Variants in DOCK1 observed in about 807,000 individuals in gnomAD.
DOCK1 encodes the protein dedicator of cytokinesis protein 1.
In DOCK1, 138 loss-of-function variants were observed where a neutral mutation model predicts 262.7. The ratio of observed to expected loss-of-function variants is 0.53; its 90% CI spans 0.46 to 0.61. The LOEUF is 0.61. Ranked by LOEUF, DOCK1 falls within the 20% of genes least tolerant of loss-of-function variation. The pLI, the probability that DOCK1 is intolerant of heterozygous loss-of-function variation, is 0.00. For missense variants in DOCK1, 1,908 were observed against 2,370.7 expected, an observed-to-expected ratio of 0.80 and a Z score of 4.05; for synonymous variants, 866 against 867.4, an observed-to-expected ratio of 1.00 and a Z score of 0.03.
intron 25 of DOCK1, among the ~76,000 whole-genome samples, chr10:127,114,173 G>A (rs1021551805): frequency 1.3e-5 from 2 of 152,126 alleles, no homozygotes; most frequent in East Asian, 1.9e-4. Context: ...TCCAAGCTGG[G>A]CCTTGTTCAT....
At chr10:127,395,016 T>C (rs1214219276) in intron 38 of DOCK1, among the ~76,000 whole-genome samples, 1 of 152,106 alleles carries the variant, frequency 6.6e-6, no homozygotes, top group African/African-American at 2.4e-5. Flanking sequence ...AAGAGTAAAA[T>C]TAAGTTTGCC....
intron 33 of DOCK1, among the ~76,000 whole-genome samples, chr10:127,372,304 G>T (rs1565035631): frequency 6.6e-6 from 1 of 152,106 alleles, no homozygotes; most frequent in African/African-American, 2.4e-5. Flanking sequence ...GCTTCTCAGG[G>T]GTCCACAGTC....
At chr10:126,949,694 G>A (rs1219308076) in intron 1 of DOCK1, among the ~76,000 whole-genome samples, 5 of 152,238 alleles carry the variant, frequency 3.3e-5, no homozygotes, top group African/African-American at 4.8e-5. Context: ...GATCTGGAGG[G>A]GAAAAGTATT....
At chr10:126,961,223 T>G (rs1379919503) in intron 1 of DOCK1, among the ~76,000 whole-genome samples, 1 of 152,198 alleles carries the variant, frequency 6.6e-6, no homozygotes, top group Admixed American at 6.5e-5. Flanking sequence ...GCCACAATCT[T>G]TCTGTTCCTA....
intron 27 of DOCK1, among the ~76,000 whole-genome samples, chr10:127,218,864 G>C (rs2058316912): frequency 6.6e-6 from 1 of 152,156 alleles, no homozygotes; most frequent in African/African-American, 2.4e-5. Context: ...TTGGTCGTCT[G>C]GTGAGGTCTG....
intron 1 of DOCK1, among the ~76,000 whole-genome samples, chr10:126,951,111 T>A (rs1256846870): frequency 1.3e-5 from 2 of 151,794 alleles, no homozygotes; most frequent in Admixed American, 6.6e-5. Flanking sequence ...GTGGTAGTGT[T>A]GTTGGTAGTA....
chr10:127,272,894 CAA>C (rs2060619371), intron 29 of DOCK1, among the ~76,000 whole-genome samples: 1 of 152,188 alleles, frequency 6.6e-6, no homozygotes, highest in South Asian at 2.1e-4. Flanking sequence ...CATTCACTAT[CAA>C]GAGGAACAGC....
chr10:126,944,239 A>G (rs1220266484), intron 1 of DOCK1, among the ~76,000 whole-genome samples: 2 of 147,238 alleles, frequency 1.4e-5, no homozygotes, highest in African/African-American at 5.1e-5. Context: ...GCCTGGATGC[A>G]GGGGCTGCTG....
chr10:127,262,110 A>T (rs1348691197), intron 29 of DOCK1, among the ~76,000 whole-genome samples: 1 of 85,242 alleles, frequency 1.2e-5, no homozygotes, highest in South Asian at 4.2e-4. Flanking sequence ...CTCTGTGTGC[A>T]TGTGGGTGTG....
At chr10:127,081,370 C>CT (rs11298794) in intron 23 of DOCK1, among the ~76,000 whole-genome samples, 2,910 of 140,848 alleles carry the variant, frequency 0.021, 42 homozygotes, top group African/African-American at 0.037. Flanking sequence ...GTATGTGGGG[C>CT]TTTTTTTTTT....
intron 25 of DOCK1, among the ~76,000 whole-genome samples, chr10:127,115,451 A>G (rs996406883): frequency 2.6e-5 from 4 of 152,210 alleles, no homozygotes; most frequent in Non-Finnish European, 5.9e-5. Flanking sequence ...GTGTGGAGTG[A>G]GCAGATTTTC....
chr10:127,225,034 T>C (rs1298416704), intron 27 of DOCK1, among the ~76,000 whole-genome samples: 1 of 152,192 alleles, frequency 6.6e-6, no homozygotes, highest in Non-Finnish European at 1.5e-5. Flanking sequence ...ATACATTCTT[T>C]TTCAAAATAT....
chr10:127,316,470 G>T (rs2135534071), intron 29 of DOCK1, among the ~76,000 whole-genome samples: 1 of 152,256 alleles, frequency 6.6e-6, no homozygotes, highest in African/African-American at 2.4e-5. Flanking sequence ...GACAAAGTTA[G>T]AAAAAGCCAT....
intron 1 of DOCK1, among the ~76,000 whole-genome samples, chr10:126,924,248 A>T (rs141857411): frequency 2.2e-4 from 25 of 113,466 alleles, no homozygotes; most frequent in Non-Finnish European, 4.0e-4. Context: ...AGCAGGGGGA[A>T]CTGAGTGCTG....
At chr10:127,147,096 C>T (rs2051941481) in intron 27 of DOCK1, among the ~76,000 whole-genome samples, 1 of 152,200 alleles carries the variant, frequency 6.6e-6, no homozygotes, top group East Asian at 1.9e-4. Flanking sequence ...GTGAATTCTT[C>T]ATTCAGTCTC....
At chr10:127,213,990 C>T (rs1329650101) in intron 27 of DOCK1, among the ~76,000 whole-genome samples, 1 of 152,186 alleles carries the variant, frequency 6.6e-6, no homozygotes, top group Non-Finnish European at 1.5e-5. Flanking sequence ...CAGGCACCCG[C>T]CACCATGCCT....
chr10:126,910,457 T>C (rs4614349), intron 1 of DOCK1, among the ~76,000 whole-genome samples: 151,055 of 152,354 alleles, frequency 0.99, 74,906 homozygotes, highest in East Asian at 1. Flanking sequence ...TGTACGCTGT[T>C]CCCACCCTCC....
At chr10:126,992,151 G>A (rs772872023) in intron 6 of DOCK1, among the ~76,000 whole-genome samples, 2 of 152,142 alleles carry the variant, frequency 1.3e-5, no homozygotes, top group African/African-American at 2.4e-5. Context: ...GAAAGCCTGA[G>A]ATATTAGCTA....
intron 1 of DOCK1, among the ~76,000 whole-genome samples, chr10:126,907,449 C>T (rs1259807003): frequency 6.6e-6 from 1 of 152,048 alleles, no homozygotes; most frequent in South Asian, 2.1e-4. Flanking sequence ...TCTACAGAGG[C>T]AAGGAAGAGG....
Sources: gnomAD v4.1 joint callset for allele counts (sites outside exome capture counted in the v4.1 genomes callset) on GRCh38, gnomAD v4.1.1 for gene constraint, MANE v1.5 for transcripts, NCBI Gene and HGNC (gene_info 2026-07-23, HGNC 2026-07-21) for gene names.